Variants in LRRC72 observed in about 807,000 individuals in gnomAD.
The protein encoded by LRRC72 is leucine rich repeat containing 72.
In LRRC72, 41 loss-of-function variants were observed where a neutral mutation model predicts 35.8. The ratio of observed to expected loss-of-function variants is 1.15; its 90% CI spans 0.89 to 1.49. The LOEUF (loss-of-function observed/expected upper bound fraction) is 1.49. Among genes scored for constraint, LRRC72 ranks in the 40% most tolerant of loss-of-function variants. The probability of loss-of-function intolerance (pLI) is 0.00; values close to 1 mark genes in which losing one functional copy is unlikely to be tolerated. For synonymous variants in LRRC72, 118 were observed against 119.2 expected (o/e 0.99, Z 0.07); for missense variants, 389 against 330.7 (o/e 1.18, Z -1.37).
intron 7 of LRRC72, among the ~76,000 whole-genome samples, chr7:16,572,178 C>A (rs1199324591): frequency 1.3e-5 from 2 of 152,170 alleles, no homozygotes; most frequent in Admixed American, 6.5e-5. Context: ...GCCTGCCAAC[C>A]ACAAAAGCCC....
intron 5 of LRRC72, among the ~76,000 whole-genome samples, chr7:16,561,675 G>C (rs1782745913): frequency 6.6e-6 from 1 of 152,172 alleles, no homozygotes; most frequent in Non-Finnish European, 1.5e-5. Context: ...GTTTGAAATG[G>C]AGAAAATGCT....
intron 7 of LRRC72, among the ~76,000 whole-genome samples, chr7:16,568,864 G>GT (rs1277739491): frequency 1.3e-5 from 2 of 152,154 alleles, no homozygotes; most frequent in Non-Finnish European, 2.9e-5. Flanking sequence ...GTGATCGAAA[G>GT]TTTTTAAAAT....
chr7:16,570,242 G>A (rs919215518), intron 7 of LRRC72, among the ~76,000 whole-genome samples: 3 of 152,242 alleles, frequency 2.0e-5, no homozygotes, highest in Non-Finnish European at 4.4e-5. Flanking sequence ...AGAAATGTAG[G>A]TTATGACAAA....
intron 7 of LRRC72, among the ~76,000 whole-genome samples, 159 bp downstream of exon 7, chr7:16,567,702 T>C (rs1782873610): frequency 6.6e-6 from 1 of 152,110 alleles, no homozygotes. Context: ...CTTATAATAC[T>C]TTTAGTCCAG....
intron 1 of LRRC72, among the ~76,000 whole-genome samples, chr7:16,529,393 T>C (rs1414069819): frequency 6.6e-6 from 1 of 152,194 alleles, no homozygotes; most frequent in Non-Finnish European, 1.5e-5. Flanking sequence ...AGTACAGGTG[T>C]ACTTCATTTC....
chr7:16,542,749 G>C (rs1261968852), intron 3 of LRRC72, among the ~76,000 whole-genome samples: 1 of 152,322 alleles, frequency 6.6e-6, no homozygotes, highest in East Asian at 1.9e-4. Context: ...TTGTGAGAGA[G>C]GTGTGTAGCT....
chr7:16,565,464 A>T (rs1782814208), intron 5 of LRRC72, among the ~76,000 whole-genome samples: 1 of 152,078 alleles, frequency 6.6e-6, no homozygotes, highest in African/African-American at 2.4e-5. Context: ...GAAAATCATT[A>T]AAGTTTTATT....
intron 5 of LRRC72, among the ~76,000 whole-genome samples, chr7:16,565,665 C>G (rs2128338078): frequency 6.6e-6 from 1 of 152,218 alleles, no homozygotes; most frequent in Admixed American, 6.5e-5. Context: ...TTCTTCCAAC[C>G]ACTGCATTAG....
In LRRC72 at chr7:16,526,852, T is replaced by C; in HGVS notation, c.-101T>C. ...TCAACGGGAATGCGGTAACTGTTGG[T>C]AACAGAACAACGAGCTGTGCACCAA... On this transcript the variant is annotated 5_prime_UTR_variant, in exon 1 of 9. Transcript: ENST00000401542. The C allele has an allele frequency of 1.1e-6, 1 of 922,126 alleles. No homozygotes were observed. The highest frequency in any genetic ancestry group is 1.4e-5 in the South Asian group (1 of 70,618). The allele number at this position is 922,126 out of a possible 1,614,324, so 57.1% of individuals were successfully genotyped here. A position where few individuals can be genotyped will look rare whatever the true frequency, so the allele number is the denominator to read the frequency against.
chr7:16,529,453 TTTAATGTTAC>T (rs1344816163), intron 1 of LRRC72, among the ~76,000 whole-genome samples: 1 of 152,170 alleles, frequency 6.6e-6, no homozygotes, highest in East Asian at 1.9e-4. Flanking sequence ...TTGGGGTTTT[TTTAATGTTAC>T]TATCGTAATT....
intron 2 of LRRC72, among the ~76,000 whole-genome samples, chr7:16,536,684 G>C (rs914181077): frequency 6.6e-6 from 1 of 151,976 alleles, no homozygotes. Context: ...ATGGTTGCAT[G>C]CTTTCAAAAA....
At chr7:16,544,497 G>A (rs1177617830) in intron 3 of LRRC72, among the ~76,000 whole-genome samples, 1 of 152,124 alleles carries the variant, frequency 6.6e-6, no homozygotes, top group African/African-American at 2.4e-5. Flanking sequence ...TAGGTCTAAA[G>A]TCTCCCTTCC....
At chr7:16,571,886 C>T (rs1329769406) in intron 7 of LRRC72, among the ~76,000 whole-genome samples, 1 of 152,180 alleles carries the variant, frequency 6.6e-6, no homozygotes, top group East Asian at 1.9e-4. Context: ...GCCAAGGAGC[C>T]AAGTGGTCTA....
At chr7:16,533,393 T>C (rs899876960) in intron 2 of LRRC72, among the ~76,000 whole-genome samples, 7 of 152,154 alleles carry the variant, frequency 4.6e-5, no homozygotes, top group Non-Finnish European at 1.0e-4. Flanking sequence ...GATTAGACTC[T>C]GATACCACAG....
At chr7:16,573,633 C>T (rs370239266) in intron 7 of LRRC72, among the ~76,000 whole-genome samples, 1 of 152,170 alleles carries the variant, frequency 6.6e-6, no homozygotes, top group African/African-American at 2.4e-5. Context: ...CTCTTCCTTA[C>T]ACTTTATACA....
chr7:16,540,208 G>C (rs2128335257), intron 3 of LRRC72, among the ~76,000 whole-genome samples: 1 of 152,312 alleles, frequency 6.6e-6, no homozygotes, highest in Middle Eastern at 3.4e-3. Context: ...GCATGCCCTG[G>C]ATGTGAGACA....
intron 3 of LRRC72, among the ~76,000 whole-genome samples, chr7:16,552,681 T>C (rs1293800738): frequency 6.6e-6 from 1 of 152,110 alleles, no homozygotes; most frequent in Non-Finnish European, 1.5e-5. Flanking sequence ...AACTCAAAAC[T>C]AGCTTGAGAG....
chr7:16,558,916 T>C lies in LRRC72; in HGVS notation c.344T>C (p.Ile115Thr), dbSNP rs1341500654. The C allele has an allele frequency of 2.0e-6, 3 of 1,515,562 alleles. No homozygotes were observed. The highest frequency in any genetic ancestry group is 2.7e-6 in the Non-Finnish European group (3 of 1,126,396). 93.9% of individuals were successfully genotyped at this position (1,515,562 alleles called of 1,614,324 possible). Reference sequence around the variant, plus strand: ...CTGCATTATTTGCCTTCATTGCATATACTCCTGCTACACCACAATGAGCTA... The same window carrying C: ...CTGCATTATTTGCCTTCATTGCATACACTCCTGCTACACCACAATGAGCTA... Reference protein sequence around the residue: ...EGLHYLPSLHILLLHHNELTN... With the variant: ...EGLHYLPSLHTLLLHHNELTN... The change falls in exon 5 of 9, where the codon ATA becomes ACA. Residue 115 changes from isoleucine to threonine, a missense_variant. Coordinates refer to ENST00000401542, the MANE Select transcript of LRRC72 (RefSeq NM_001195280.2).
At chr7:16,550,557 C>T (rs1782532136) in intron 3 of LRRC72, among the ~76,000 whole-genome samples, 1 of 152,166 alleles carries the variant, frequency 6.6e-6, no homozygotes, top group African/African-American at 2.4e-5. Context: ...TCTAAGTTAG[C>T]AAGGGTTGGG....
Sources: allele counts gnomAD v4.1 joint callset (sites outside exome capture counted in the v4.1 genomes callset), GRCh38; gene constraint gnomAD v4.1.1; transcripts MANE v1.5; gene names NCBI Gene and HGNC (gene_info 2026-07-23, HGNC 2026-07-21).